The following CDH9 variants were observed in gnomAD, a reference collection of about 807,000 sequenced individuals.
The protein encoded by CDH9 is cadherin-9.
A neutral mutation model predicts 70.9 loss-of-function variants in CDH9; 28 were observed. The ratio of observed to expected loss-of-function variants is 0.40; its 90% CI spans 0.29 to 0.54. The LOEUF (loss-of-function observed/expected upper bound fraction) is 0.54. Among genes scored for constraint, CDH9 ranks in the 20% least tolerant of loss-of-function variants. The pLI, the probability that CDH9 is intolerant of heterozygous loss-of-function variation, is 0.59. For missense variants in CDH9, 874 were observed against 984.4 expected (o/e 0.89, Z 1.50); for synonymous variants, 409 against 343.1 (o/e 1.19, Z -2.12).
chr5:26,884,789 C>A (rs929196902), intron 11 of CDH9, among the ~76,000 whole-genome samples: 1 of 152,048 alleles, frequency 6.6e-6, no homozygotes, highest in African/African-American at 2.4e-5. Context: ...AGCATTTGGG[C>A]TGAATATTTG....
chr5:26,998,515 G>A (rs1030026181), intron 1 of CDH9, among the ~76,000 whole-genome samples: 7 of 152,136 alleles, frequency 4.6e-5, no homozygotes, highest in African/African-American at 1.7e-4. Flanking sequence ...TCACTCATAG[G>A]TGGGAATTGA....
chr5:26,962,356 G>A (rs1282396911), intron 2 of CDH9, among the ~76,000 whole-genome samples: 4 of 152,118 alleles, frequency 2.6e-5, no homozygotes, highest in Non-Finnish European at 5.9e-5. Flanking sequence ...GGATTGCTGG[G>A]TCAAATGATA....
At chr5:27,000,339 G>C (rs780201067) in intron 1 of CDH9, among the ~76,000 whole-genome samples, 1 of 152,070 alleles carries the variant, frequency 6.6e-6, no homozygotes, top group Non-Finnish European at 1.5e-5. Context: ...TATCTGAATG[G>C]TGAAAATCCA....
At chr5:26,981,053 T>C (rs1429676650) in intron 2 of CDH9, among the ~76,000 whole-genome samples, 2 of 152,060 alleles carry the variant, frequency 1.3e-5, no homozygotes, top group East Asian at 3.9e-4. Context: ...GGTACATTGG[T>C]TTTTTGTTGG....
At chr5:26,955,708 C>T (rs180951714) in intron 2 of CDH9, among the ~76,000 whole-genome samples, 9 of 152,130 alleles carry the variant, frequency 5.9e-5, no homozygotes, top group East Asian at 1.9e-4. Context: ...AGGACATGGG[C>T]GTATTTAGGA....
At chr5:27,024,749 T>C (rs911607778) in intron 1 of CDH9, among the ~76,000 whole-genome samples, 9 of 152,106 alleles carry the variant, frequency 5.9e-5, no homozygotes, top group African/African-American at 2.2e-4. Flanking sequence ...TGATACGACA[T>C]TGAAACTTAT....
Position 26,904,213 on chromosome 5 carries a change from A to T in CDH9, c.812-389T>A, listed in dbSNP as rs542722032. ...TAACATGTATTCAATTATTTTTTTT[A>T]AAATGCATTTATTATTTTATTCTAA... On this transcript the variant is annotated intron_variant, in intron 5 of 11. Coordinates refer to ENST00000231021, the MANE Select transcript of CDH9 (RefSeq NM_016279.4). Among the ~76,000 whole-genome samples, 22 of 151,980 alleles carry T rather than the reference A, an allele frequency of 1.4e-4. 1 individual carries two copies. The highest frequency in any genetic ancestry group is 3.4e-3 in the Middle Eastern group (1 of 294).
chr5:26,899,220 T>C (rs1038682935), intron 7 of CDH9, among the ~76,000 whole-genome samples: 35 of 152,212 alleles, frequency 2.3e-4, no homozygotes, highest in African/African-American at 7.2e-4. Flanking sequence ...ACACTGTTGG[T>C]GGGAATGTAA....
intron 3 of CDH9, among the ~76,000 whole-genome samples, chr5:26,911,185 GT>G (rs1008560397): frequency 5.1e-4 from 78 of 152,212 alleles, no homozygotes; most frequent in African/African-American, 1.9e-3. Flanking sequence ...CACCTGACTA[GT>G]TTTTATTACT....
intron 1 of CDH9, among the ~76,000 whole-genome samples, chr5:27,031,693 T>C (rs1253097850): frequency 6.6e-6 from 1 of 151,924 alleles, no homozygotes; most frequent in Non-Finnish European, 1.5e-5. Context: ...CAAACTTGCA[T>C]GCCTAATAGG....
rs183748192 is a variant in CDH9 at position 26,933,634 on chromosome 5, C to T, written c.229-17710G>A. ...ACTAAAAATACAAAAATTAGCTGGG[C>T]GTGGTGGCGCGCATCTGTAGTCCCA... On this transcript the variant is annotated intron_variant, in intron 2 of 11. Transcript: ENST00000231021. 2.1e-3 allele frequency among the ~76,000 whole-genome samples: 326 copies of T among 151,762 alleles called. 1 individual carries two copies. The highest frequency in any genetic ancestry group is 0.013 in the East Asian group (66 of 5,126).
At chr5:26,965,848 A>C (rs149424009) in intron 2 of CDH9, among the ~76,000 whole-genome samples, 1 of 152,262 alleles carries the variant, frequency 6.6e-6, no homozygotes, top group African/African-American at 2.4e-5. Flanking sequence ...AGCAAAAAAC[A>C]TCAAACTCAT....
chr5:26,885,927 A>C, intron 10 of CDH9, 39 bp downstream of exon 10: 5 of 1,591,008 alleles, frequency 3.1e-6, no homozygotes, highest in Non-Finnish European at 4.3e-6. Context: ...TGTGTATCTT[A>C]AAGTTTCATA....
intron 2 of CDH9, 101 bp from the exon 3 acceptor site, chr5:26,916,025 C>A: frequency 1.5e-6 from 1 of 688,376 alleles, no homozygotes. Flanking sequence ...AACAGCTCTG[C>A]AATAATTATC....
intron 9 of CDH9, among the ~76,000 whole-genome samples, chr5:26,888,942 C>T (rs1033226899): frequency 6.6e-6 from 1 of 152,134 alleles, no homozygotes; most frequent in African/African-American, 2.4e-5. Flanking sequence ...CTTATAACTT[C>T]ACTTCATCTT....
intron 2 of CDH9, among the ~76,000 whole-genome samples, chr5:26,924,029 C>A (rs909976232): frequency 6.6e-6 from 1 of 150,922 alleles, no homozygotes; most frequent in Non-Finnish European, 1.5e-5. Flanking sequence ...GTTAGTAAAA[C>A]AAAAGAAATA....
rs183825161 is a variant in CDH9 at position 26,894,784 on chromosome 5, T to G, written c.1254-4220A>C. On this transcript the variant is annotated intron_variant, in intron 7 of 11. Coordinates refer to ENST00000231021, the MANE Select transcript of CDH9 (RefSeq NM_016279.4). ...GCCTACTATAACAACAATATTTTATTGGTCCCCCTGCATTGAATTTTGAAC... is the reference window on the plus strand; with the variant it reads ...GCCTACTATAACAACAATATTTTATGGGTCCCCCTGCATTGAATTTTGAAC... 2.6e-5 allele frequency among the ~76,000 whole-genome samples: 4 copies of G among 152,124 alleles called. No individual in the cohort carries two copies. The East Asian group carries it at 7.7e-4, about 29-fold the overall frequency.
At chr5:26,940,579 G>A (rs937109323) in intron 2 of CDH9, among the ~76,000 whole-genome samples, 2 of 152,102 alleles carry the variant, frequency 1.3e-5, no homozygotes, top group African/African-American at 4.8e-5. Flanking sequence ...AAGCCCAAAT[G>A]CCTCTTTTAC....
intron 2 of CDH9, among the ~76,000 whole-genome samples, chr5:26,928,178 AC>A (rs1353963540): frequency 6.6e-6 from 1 of 152,090 alleles, no homozygotes; most frequent in Non-Finnish European, 1.5e-5. Context: ...CATACAAAAA[AC>A]AATAACATTT....
Sources: allele counts gnomAD v4.1 joint callset (sites outside exome capture counted in the v4.1 genomes callset), GRCh38; gene constraint gnomAD v4.1.1; transcripts MANE v1.5; gene names NCBI Gene and HGNC (gene_info 2026-07-23, HGNC 2026-07-21).